Variants in RALGPS2 observed in about 807,000 individuals in gnomAD.
RALGPS2 encodes the protein Ral GEF with PH domain and SH3 binding motif 2, also known as ras-specific guanine nucleotide-releasing factor RalGPS2.
Under a neutral mutation model 86.8 loss-of-function variants are expected in RALGPS2, and 43 were observed. The observed-to-expected ratio is 0.50, with a 90% CI of 0.39 to 0.64. The LOEUF is 0.64. Among genes scored for constraint, RALGPS2 ranks in the 30% least tolerant of loss-of-function variants. RALGPS2 has a pLI of 0.00. For missense variants in RALGPS2, 536 were observed against 694.6 expected (o/e 0.77, Z 2.57); for synonymous variants, 243 against 231.3 (o/e 1.05, Z -0.46).
At chr1:178,902,762 T>C (rs1422573008) in intron 18 of RALGPS2, among the ~76,000 whole-genome samples, 1 of 152,140 alleles carries the variant, frequency 6.6e-6, no homozygotes, top group Non-Finnish European at 1.5e-5. Flanking sequence ...TTGTATTTAT[T>C]TAGATGTATT....
intron 1 of RALGPS2, among the ~76,000 whole-genome samples, chr1:178,736,957 A>G (rs185100508): frequency 6.6e-6 from 1 of 152,342 alleles, no homozygotes; most frequent in African/African-American, 2.4e-5. Context: ...AAATTAACCA[A>G]TGCAGTTGAA....
chr1:178,818,759 T>G (rs1207482910), intron 6 of RALGPS2, among the ~76,000 whole-genome samples: 1 of 152,234 alleles, frequency 6.6e-6, no homozygotes, highest in Non-Finnish European at 1.5e-5. Flanking sequence ...ATTCAGCGTA[T>G]GCCCTCAGGG....
Position 178,781,739 on chromosome 1 carries a change from A to C in RALGPS2, c.58-2679A>C, listed in dbSNP as rs139062893. ...TATGATTCATGTGTTCACCTGACAG[A>C]ATGCATCTGGTTATTTGGACAGCTA... On this transcript the variant is annotated intron_variant, in intron 2 of 19. Transcript: ENST00000367635. 2.2e-3 allele frequency among the ~76,000 whole-genome samples: 339 copies of C among 152,350 alleles called. 1 individual carries two copies. Among genetic ancestry groups the C allele is most frequent in the South Asian group, 3.9e-3 (19 of 4,830 alleles).
At chr1:178,856,003 A>G (rs990264292) in intron 8 of RALGPS2, among the ~76,000 whole-genome samples, 5 of 148,930 alleles carry the variant, frequency 3.4e-5, no homozygotes, top group Non-Finnish European at 7.4e-5. Context: ...CAAAATATAT[A>G]TATTAGAACA....
At chr1:178,750,288 C>T (rs1182461501) in intron 1 of RALGPS2, among the ~76,000 whole-genome samples, 1 of 152,180 alleles carries the variant, frequency 6.6e-6, no homozygotes, top group East Asian at 1.9e-4. Context: ...TGAAAGCAGC[C>T]ATAGACAACA....
At chr1:178,811,153 C>T (rs954675946) in intron 5 of RALGPS2, among the ~76,000 whole-genome samples, 162 bp from the exon 6 acceptor site, 36 of 151,964 alleles carry the variant, frequency 2.4e-4, no homozygotes, top group Non-Finnish European at 2.9e-5. Context: ...AATAAACAGT[C>T]ATGTAGAATT....
rs1362949567 is a variant in RALGPS2 at position 178,746,994 on chromosome 1, A to G, written c.-84+21575A>G. 5.4e-6 allele frequency: 5 copies of G among 932,702 alleles called. No individual in the cohort carries two copies. The African/African-American group carries it at 8.0e-5, about 15-fold the overall frequency. The allele number at this position is 932,702 out of a possible 1,614,324, so 57.8% of individuals were successfully genotyped here. ...AAAGTTCTTTCCATCGTTTCTGTAT[A>G]CTAGAATCTCCCTTTACACATTTTG... On this transcript the variant is annotated intron_variant, in intron 1 of 19. Coordinates refer to ENST00000367635, the MANE Select transcript of RALGPS2 (RefSeq NM_152663.5).
intron 1 of RALGPS2, chr1:178,725,623 C>G (rs1261051401): frequency 6.6e-6 from 1 of 151,512 alleles, no homozygotes; most frequent in African/African-American, 2.4e-5. Flanking sequence ...GGGCGCTGGG[C>G]GGCGCGCCTC....
intron 8 of RALGPS2, chr1:178,851,457 T>A: frequency 1.5e-6 from 1 of 687,842 alleles, no homozygotes; most frequent in Non-Finnish European, 2.2e-6. Flanking sequence ...TTTAAATGCC[T>A]TCACTTACTT....
intron 8 of RALGPS2, among the ~76,000 whole-genome samples, chr1:178,863,983 A>G (rs1658212897): frequency 6.6e-6 from 1 of 152,194 alleles, no homozygotes; most frequent in Non-Finnish European, 1.5e-5. Context: ...AATGAGCTGC[A>G]ATTTATTTAC....
At chr1:178,787,918 G>C (rs1026145936) in intron 4 of RALGPS2, among the ~76,000 whole-genome samples, 2 of 152,062 alleles carry the variant, frequency 1.3e-5, no homozygotes, top group Non-Finnish European at 2.9e-5. Context: ...ACATCTGTTG[G>C]ATCTGTTCAT....
intron 8 of RALGPS2, among the ~76,000 whole-genome samples, chr1:178,847,477 T>A (rs1360929710): frequency 6.6e-6 from 1 of 151,642 alleles, no homozygotes; most frequent in East Asian, 1.9e-4. Flanking sequence ...AAAAGTGAGC[T>A]AGTTTAAGAT....
intron 8 of RALGPS2, chr1:178,852,883 T>C: frequency 6.2e-7 from 1 of 1,613,908 alleles, no homozygotes; most frequent in Non-Finnish European, 8.5e-7. Context: ...CTTGTAATTA[T>C]CTTGATTGCT....
intron 1 of RALGPS2, chr1:178,747,176 C>G: frequency 9.4e-7 from 1 of 1,069,034 alleles, no homozygotes; most frequent in Non-Finnish European, 1.5e-6. Flanking sequence ...AGAGAAGGTG[C>G]TGGAGCGTCC....
intron 8 of RALGPS2, among the ~76,000 whole-genome samples, chr1:178,868,206 T>A (rs1188711372): frequency 6.6e-6 from 1 of 151,924 alleles, no homozygotes; most frequent in African/African-American, 2.4e-5. Flanking sequence ...AGACTTTTAC[T>A]ATGTAGGAGT....
At chr1:178,848,831 T>A (rs771310501) in intron 8 of RALGPS2, among the ~76,000 whole-genome samples, 4 of 152,126 alleles carry the variant, frequency 2.6e-5, no homozygotes, top group Non-Finnish European at 4.4e-5. Flanking sequence ...GGTTTCACCA[T>A]GTCGGCCAGG....
intron 8 of RALGPS2, among the ~76,000 whole-genome samples, chr1:178,872,976 C>G (rs1480170449): frequency 1.3e-5 from 2 of 152,012 alleles, no homozygotes; most frequent in South Asian, 2.1e-4. Context: ...AATGACAGAC[C>G]ATGATACCAA....
chr1:178,836,690 T>G (rs1656287282), intron 8 of RALGPS2, among the ~76,000 whole-genome samples: 2 of 152,222 alleles, frequency 1.3e-5, no homozygotes, highest in Admixed American at 1.3e-4. Flanking sequence ...CCTTCTACAT[T>G]TCTGGCTTTT....
intron 3 of RALGPS2, among the ~76,000 whole-genome samples, 156 bp downstream of exon 3, chr1:178,784,678 G>T (rs1475426976): frequency 6.6e-6 from 1 of 152,028 alleles, no homozygotes; most frequent in Non-Finnish European, 1.5e-5. Context: ...GCAAACAGAG[G>T]GATGAAGTGG....
Sources: gnomAD v4.1 joint callset for allele counts (sites outside exome capture counted in the v4.1 genomes callset) on GRCh38, gnomAD v4.1.1 for gene constraint, MANE v1.5 for transcripts, NCBI Gene and HGNC (gene_info 2026-07-23, HGNC 2026-07-21) for gene names.